Variants in TTN observed in about 807,000 individuals in gnomAD.
The protein encoded by TTN is connectin.
A neutral mutation model predicts 3,223.0 loss-of-function variants in TTN; 1,525 were observed. That is an observed-to-expected ratio of 0.47 (90% CI 0.45 to 0.49). The LOEUF (loss-of-function observed/expected upper bound fraction) is 0.49, where lower values mean the gene tolerates loss of function less well. Ranked by LOEUF, TTN falls within the 20% of genes least tolerant of loss-of-function variation. The pLI, the probability that TTN is intolerant of heterozygous loss-of-function variation, is 0.00. For missense variants in TTN, 40,786 were observed against 43,424.0 expected (o/e 0.94, Z 5.40); for synonymous variants, 14,094 against 15,161.0 (o/e 0.93, Z 5.17).
intron 307 of TTN, 78 bp downstream of exon 307, chr2:178,587,040 A>G: frequency 6.4e-7 from 1 of 1,550,430 alleles, no homozygotes; most frequent in Non-Finnish European, 8.8e-7. Context: ...TCAGAAGTGG[A>G]TTAAAATGGT....
At position 178,753,187 on chromosome 2, in the gene TTN, T is replaced by G. The variant is rs1044422928; in HGVS notation, c.11255-7A>C. 2.5e-6 allele frequency: 4 copies of G among 1,601,712 alleles called. No individual in the cohort carries two copies. The highest frequency in any genetic ancestry group is 2.6e-6 in the Non-Finnish European group (3 of 1,171,254). On this transcript the variant is annotated splice_polypyrimidine_tract_variant and splice_region_variant and intron_variant, in intron 46 of 362. Transcript: ENST00000589042. ...TGCAAAATTGATTCAGGAGCTAAAA[T>G]AGAAAAACATATAAAGAGATTTTAG...
intron 49 of TTN, among the ~76,000 whole-genome samples, chr2:178,736,921 A>G (rs1437218423): frequency 6.6e-6 from 1 of 152,148 alleles, no homozygotes; most frequent in African/African-American, 2.4e-5. Context: ...TCGTTTTCAC[A>G]TTCAAGAGAT....
rs758069067 is a variant in TTN, at chr2:178,739,788, T to C, written c.13445A>G (p.Tyr4482Cys). 2 of 1,613,866 alleles carry C rather than the reference T, an allele frequency of 1.2e-6. No individual in the cohort carries two copies. Among genetic ancestry groups the C allele is most frequent in the Non-Finnish European group, 1.7e-6 (2 of 1,179,802 alleles). Residue 4482 changes from tyrosine to cysteine, a missense_variant, in exon 48 of 363, where the codon TAT becomes TGT. Transcript: ENST00000589042. ...ELRDALCAII[Y>C]EEIDILTAEG... Reference sequence around the variant, plus strand: ...AGCTGTTAGGATGTCTATTTCCTCATATATAATAGCACACAAAGCATCCCT... The same window carrying C: ...AGCTGTTAGGATGTCTATTTCCTCACATATAATAGCACACAAAGCATCCCT...
chr2:178,538,902 A>C, intron 353 of TTN, 44 bp downstream of exon 353: 2 of 1,582,884 alleles, frequency 1.3e-6, no homozygotes, highest in Non-Finnish European at 1.7e-6. Flanking sequence ...AGGACCAAAC[A>C]TGGCTTGCTT....
rs752484250 is a variant in TTN at position 178,738,096 on chromosome 2, G to C, written c.14357C>G (p.Thr4786Arg). 1.9e-6 allele frequency: 3 copies of C among 1,613,230 alleles called. No homozygotes were observed. The highest frequency in any genetic ancestry group is 2.5e-6 in the Non-Finnish European group (3 of 1,179,328). ...NEYGSVSCTA[T>R]LTVTEAYPPT... is the part of the protein sequence containing the mutation. The stretch of plus-strand genomic sequence containing the variant: ...ATGGCATTTACCTGTCACAGTTAGT[G>C]TGGCTGTACAGCTGACACTGCCATA... Residue 4786 changes from threonine to arginine, a missense_variant, in exon 49 of 363, where the codon ACA becomes AGA. Thr to Arg is a moderately conservative substitution (Grantham distance 71). Coordinates refer to ENST00000589042, the MANE Select transcript of TTN (RefSeq NM_001267550.2).
rs753429609 is a variant in TTN, at chr2:178,572,562, G to T, written c.73570C>A (p.Gln24524Lys). The T allele has an allele frequency of 6.2e-7, 1 of 1,613,466 alleles. No homozygotes were observed. Among genetic ancestry groups the T allele is most frequent in the Middle Eastern group, 1.7e-4 (1 of 6,054 alleles). The change falls in exon 326 of 363, where the codon CAG becomes AAG. Residue 24524 changes from glutamine (Q) to lysine (K), a missense_variant. Gln to Lys is a moderately conservative substitution (Grantham distance 53, BLOSUM62 1). Transcript: ENST00000589042. ...GTGACCTCTTTTACCTTCAGATCCT[G>T]TGGGGGGCCTGGTGTATCGAGAACT... is the stretch of plus-strand genomic sequence containing the variant. ...VRVLDTPGPP[Q>K]DLKVKEVTKT...
chr2:178,707,086 G>T (rs1395448665), intron 100 of TTN, 132 bp from the exon 101 acceptor site: 2 of 754,694 alleles, frequency 2.7e-6, no homozygotes, highest in Non-Finnish European at 4.1e-6. Flanking sequence ...TTCTATGTAA[G>T]GGTGGGTTAC....
chr2:178,598,700 A>T, intron 291 of TTN, 46 bp from the exon 292 acceptor site: 8 of 1,602,022 alleles, frequency 5.0e-6, no homozygotes, highest in Non-Finnish European at 6.8e-6. Flanking sequence ...TTTCCAAGGC[A>T]CTTTTGGAAA....
rs1386324100 is a variant in TTN at position 178,584,686 on chromosome 2, A to G, written c.64955T>C (p.Val21652Ala). ...ISEPLTSPKM[V>A]AQFPFGVPSE... ...AAACATACCAAATGGGAACTGCGCAACCATCTTTGGAGATGTGAGAGGCTC... is the reference window on the plus strand; with the variant it reads ...AAACATACCAAATGGGAACTGCGCAGCCATCTTTGGAGATGTGAGAGGCTC... Residue 21652 changes from valine to alanine, a missense_variant, in exon 310 of 363, where the codon GTT becomes GCT. Transcript: ENST00000589042. 6.2e-7 allele frequency: 1 copy of G among 1,613,432 alleles called. No individual in the cohort carries two copies. Among genetic ancestry groups the G allele is most frequent in the African/African-American group, 1.3e-5 (1 of 75,004 alleles).
Position 178,549,862 on chromosome 2 carries a change from T to C in TTN, c.91860A>G (p.Pro30620=). Reference sequence around the variant, plus strand: ...ATCTTATTGGCCCAACTACTTTTCCTGGTGTATCTATAAGAAAAAGTTTCT... The same window carrying C: ...ATCTTATTGGCCCAACTACTTTTCCCGGTGTATCTATAAGAAAAAGTTTCT... ...AEIKVKVQDT[P]GKVVGPIRFT... is the part of the protein sequence containing the mutation. The change falls in exon 338 of 363, where the codon CCA becomes CCG. Residue 30620 remains proline, a synonymous_variant. Coordinates refer to ENST00000589042, the MANE Select transcript of TTN (RefSeq NM_001267550.2). 2 of 1,560,434 alleles carry C rather than the reference T, an allele frequency of 1.3e-6. No homozygotes were observed. The highest frequency in any genetic ancestry group is 8.6e-7 in the Non-Finnish European group (1 of 1,156,140).
In TTN at chr2:178,540,277, G is replaced by A; in HGVS notation, c.97889C>T (p.Ser32630Phe). Reference sequence around the variant, plus strand: ...TTCAATCAAGTAGCCTGTGACTTTAGATCCTCCTTCATCTTCTGGAACACT... The same window carrying A: ...TTCAATCAAGTAGCCTGTGACTTTAAATCCTCCTTCATCTTCTGGAACACT... Reference protein sequence around the residue: ...AWSVPEDEGGSKVTGYLIEMQ... With the variant: ...AWSVPEDEGGFKVTGYLIEMQ... The change falls in exon 351 of 363, where the codon TCT (serine) becomes TTT (phenylalanine). Residue 32630 changes from serine to phenylalanine, a missense_variant. Transcript: ENST00000589042. The A allele has an allele frequency of 6.2e-7, 1 of 1,613,814 alleles. No individual in the cohort carries two copies. Among genetic ancestry groups the A allele is most frequent in the South Asian group, 1.1e-5 (1 of 91,088 alleles).
rs1577261586 is a variant in TTN, at chr2:178,675,610, T to C, written c.34537+61A>G. The C allele has an allele frequency of 4.7e-6, 6 of 1,265,108 alleles. No individual in the cohort carries two copies. In the East Asian group the frequency reaches 1.3e-4, roughly 28 times the overall value. The allele number at this position is 1,265,108 out of a possible 1,614,324, so 78.4% of individuals were successfully genotyped here. A position where few individuals can be genotyped will look rare whatever the true frequency, so the allele number is the denominator to read the frequency against. On this transcript the variant is annotated intron_variant, in intron 149 of 362. Coordinates refer to ENST00000589042, the MANE Select transcript of TTN (RefSeq NM_001267550.2). ...ACACATTTATGTTGAGTGTCCTGTG[T>C]GGATAGAACCACAGTTCAACATCGG...
rs1259340653 is a variant in TTN, at chr2:178,533,598, A to G, written c.103017T>C (p.Tyr34339=). Residue 34339 remains tyrosine, a synonymous_variant, in exon 358 of 363, where the codon TAT becomes TAC. Transcript: ENST00000589042. ...GCTTTGCTTTACAGCTGTCTTCACC[A>G]TATTTGTTCCTTGCCACAACAGTAT... ...AEYTVVARNK[Y]GEDSCKAKLT... The G allele has an allele frequency of 2.5e-6, 4 of 1,613,912 alleles. No homozygotes were observed. Among genetic ancestry groups the G allele is most frequent in the Admixed American group, 1.7e-5 (1 of 60,012 alleles).
rs1689906368 is a variant in TTN, at chr2:178,533,086, T to C, written c.103529A>G (p.Tyr34510Cys). Reference protein sequence around the residue: ...KEALREAAVLYKPAVSTKTVK... With the variant: ...KEALREAAVLCKPAVSTKTVK... The stretch of plus-strand genomic sequence containing the variant: ...AGTCTTGGTGCTTACAGCCGGTTTA[T>C]AAAGGACAGCAGCTTCTCTCAGAGC... Residue 34510 changes from tyrosine to cysteine, a missense_variant, in exon 358 of 363, where the codon TAT (tyrosine) becomes TGT (cysteine). By Grantham distance (194) the Tyr-to-Cys change is radical. Transcript: ENST00000589042. The C allele has an allele frequency of 1.2e-6, 2 of 1,614,002 alleles. No homozygotes were observed. The highest frequency in any genetic ancestry group is 1.7e-6 in the Non-Finnish European group (2 of 1,179,882).
intron 304 of TTN, 42 bp downstream of exon 304, chr2:178,588,496 T>A: frequency 6.7e-7 from 1 of 1,492,340 alleles, no homozygotes; most frequent in East Asian, 2.3e-5. Context: ...GTGCTTGAGA[T>A]TAAGAGTTGC....
chr2:178,537,311 A>G (rs957306025), intron 355 of TTN, 31 bp downstream of exon 355: 5 of 1,523,302 alleles, frequency 3.3e-6, no homozygotes, highest in Non-Finnish European at 4.4e-6. Context: ...TTCTTTAAAA[A>G]TAAAAAGCAC....
rs1011913487 is a variant in TTN at position 178,756,903 on chromosome 2, G to A, written c.10679-106C>T. 3.9e-5 allele frequency: 40 copies of A among 1,028,884 alleles called. 2 individuals are homozygous for A. Among genetic ancestry groups the A allele is most frequent in the South Asian group, 3.7e-4 (23 of 61,802 alleles). 63.7% of individuals were successfully genotyped at this position (1,028,884 alleles called of 1,614,324 possible). A position where few individuals can be genotyped will look rare whatever the true frequency, so the allele number is the denominator to read the frequency against. ...GGCATGGAAGATGAAGATGAAAGAC[G>A]TAGTTGTCACTTGAAAGCAGCATGC... On this transcript the variant is annotated intron_variant, in intron 45 of 362. Coordinates refer to ENST00000589042, the MANE Select transcript of TTN (RefSeq NM_001267550.2).
At chr2:178,639,318 G>A (rs1437622506) in intron 223 of TTN, among the ~76,000 whole-genome samples, 4 of 151,896 alleles carry the variant, frequency 2.6e-5, no homozygotes, top group Admixed American at 2.0e-4. Context: ...TTTTAAAAAA[G>A]AGAAATTGTT....
At position 178,785,907 on chromosome 2, in the gene TTN, C is replaced by A. The variant is rs1044812837; in HGVS notation, c.2311G>T (p.Ala771Ser). The change falls in exon 14 of 363, where the codon GCT (alanine) becomes TCT (serine). Residue 771 changes from alanine (A) to serine (S), a missense_variant. Transcript: ENST00000589042. ...PKAVKPRVIQ[A>S]PSETHIKTTD... ...GTTTTGATATGAGTCTCAGAAGGAGCCTGGATTACTCTAGGCTTGACTGCT... is the reference window on the plus strand; with the variant it reads ...GTTTTGATATGAGTCTCAGAAGGAGACTGGATTACTCTAGGCTTGACTGCT... 1.9e-6 allele frequency: 3 copies of A among 1,614,064 alleles called. No homozygotes were observed. Among genetic ancestry groups the A allele is most frequent in the African/African-American group, 1.3e-5 (1 of 75,010 alleles).
Sources: gnomAD v4.1 joint callset for allele counts (sites outside exome capture counted in the v4.1 genomes callset) on GRCh38, gnomAD v4.1.1 for gene constraint, MANE v1.5 for transcripts, NCBI Gene and HGNC (gene_info 2026-07-23, HGNC 2026-07-21) for gene names.